SLAMF6: variants seen among roughly 807,000 people sequenced by gnomAD.
SLAMF6 encodes SLAM family member 6, also known as NK-T-B-antigen.
In SLAMF6, 21 loss-of-function variants were observed where a neutral mutation model predicts 38.3. The observed-to-expected ratio is 0.55, with a 90% CI of 0.39 to 0.79. The LOEUF (loss-of-function observed/expected upper bound fraction) is 0.79, where lower values mean the gene tolerates loss of function less well. Among genes scored for constraint, SLAMF6 ranks in the 30% least tolerant of loss-of-function variants. The probability of loss-of-function intolerance (pLI) is 0.00; values close to 1 mark genes in which losing one functional copy is unlikely to be tolerated. For missense variants in SLAMF6, 341 were observed against 385.3 expected (o/e 0.89, Z 0.96); for synonymous variants, 152 against 146.3 (o/e 1.04, Z -0.28).
chr1:160,490,569 A>G lies in SLAMF6; in HGVS notation c.757+6T>C. 7 of 1,611,204 alleles carry G rather than the reference A, an allele frequency of 4.3e-6. No individual in the cohort carries two copies. The highest frequency in any genetic ancestry group is 5.9e-6 in the Non-Finnish European group (7 of 1,179,270). On this transcript the variant is annotated splice_donor_region_variant and intron_variant, in intron 4 of 7. Transcript: ENST00000368057. The stretch of plus-strand genomic sequence containing the variant: ...GAAGAGACAAGTAGGAAGAAAGGAA[A>G]CCTGCCTCTTCTTTTCCTCAAAACA...
At chr1:160,504,238 C>T (rs928035552) in intron 1 of SLAMF6, among the ~76,000 whole-genome samples, 3 of 151,870 alleles carry the variant, frequency 2.0e-5, no homozygotes, top group East Asian at 1.9e-4. Context: ...TATTGTATAC[C>T]GAACATTTGC....
chr1:160,499,842 A>G (rs1339670786), intron 1 of SLAMF6, among the ~76,000 whole-genome samples: 2 of 152,232 alleles, frequency 1.3e-5, no homozygotes, highest in African/African-American at 4.8e-5. Context: ...TTCCAGGCAC[A>G]TGAACATTGC....
At chr1:160,491,637 T>C (rs1653307183) in intron 2 of SLAMF6, among the ~76,000 whole-genome samples, 1 of 152,154 alleles carries the variant, frequency 6.6e-6, no homozygotes, top group African/African-American at 2.4e-5. Context: ...AGACTGAGGT[T>C]TCCATCAACT....
intron 7 of SLAMF6, 102 bp from the exon 8 acceptor site, chr1:160,486,856 T>C: frequency 7.5e-7 from 1 of 1,329,482 alleles, no homozygotes; most frequent in African/African-American, 1.5e-5. Context: ...GAGAGGCAGA[T>C]AATAGAGATA....
chr1:160,501,618 T>C (rs917376605), intron 1 of SLAMF6, among the ~76,000 whole-genome samples: 7 of 151,870 alleles, frequency 4.6e-5, no homozygotes, highest in Non-Finnish European at 1.0e-4. Flanking sequence ...TCACAGGAGA[T>C]GACACTGTAG....
At chr1:160,489,319 T>G in intron 5 of SLAMF6, 149 bp from the exon 6 acceptor site, 1 of 705,648 alleles carries the variant, frequency 1.4e-6, no homozygotes, top group Non-Finnish European at 2.5e-6. Flanking sequence ...CTTGACAGTC[T>G]TTGGAGCTCT....
intron 1 of SLAMF6, among the ~76,000 whole-genome samples, chr1:160,518,700 A>C (rs868474171): frequency 7.2e-5 from 11 of 151,780 alleles, no homozygotes; most frequent in Middle Eastern, 3.4e-3. Context: ...ATGTTCTTTA[A>C]GTGGGAGCTG....
chr1:160,522,828 G>A lies in SLAMF6; in HGVS notation c.49+316C>T, dbSNP rs11265421. Among the ~76,000 whole-genome samples the A allele has an allele frequency of 6.4e-3, 973 of 152,190 alleles. 12 individuals are homozygous for A. The highest frequency in any genetic ancestry group is 0.022 in the African/African-American group (912 of 41,510). ...ATGAGGGCCCATTTTCTTGGTCTTG[G>A]TACTCTTTATAACACAAGATGCTGG... On this transcript the variant is annotated intron_variant, in intron 1 of 7. Coordinates refer to ENST00000368057, the MANE Select transcript of SLAMF6 (RefSeq NM_001184714.2).
chr1:160,486,783 G>A (rs767521217), intron 7 of SLAMF6, 29 bp from the exon 8 acceptor site: 38 of 1,613,442 alleles, frequency 2.4e-5, no homozygotes, highest in Admixed American at 3.3e-5. Flanking sequence ...GATGAGGTAG[G>A]TTAATTGGAA....
chr1:160,498,828 T>A (rs1653732791), intron 1 of SLAMF6, among the ~76,000 whole-genome samples: 1 of 152,200 alleles, frequency 6.6e-6, no homozygotes, highest in Non-Finnish European at 1.5e-5. Context: ...ATGCTGAGCA[T>A]TTTTTCATGT....
intron 1 of SLAMF6, among the ~76,000 whole-genome samples, chr1:160,515,032 A>C (rs1654669979): frequency 6.6e-6 from 1 of 152,140 alleles, no homozygotes; most frequent in Admixed American, 6.5e-5. Flanking sequence ...AGATAGATAA[A>C]AGAAGAATGC....
At chr1:160,521,559 C>A (rs1654986413) in intron 1 of SLAMF6, among the ~76,000 whole-genome samples, 1 of 151,938 alleles carries the variant, frequency 6.6e-6, no homozygotes, top group Non-Finnish European at 1.5e-5. Flanking sequence ...GGAAAGAATT[C>A]TCTCTCTTTC....
At chr1:160,487,272 A>G in intron 6 of SLAMF6, 97 bp from the exon 7 acceptor site, 1 of 1,094,810 alleles carries the variant, frequency 9.1e-7, no homozygotes, top group Non-Finnish European at 1.3e-6. Context: ...AAAAGAGAAT[A>G]TGTCAAAGTT....
intron 1 of SLAMF6, 67 bp from the exon 2 acceptor site, chr1:160,496,460 T>C: frequency 6.7e-7 from 1 of 1,500,262 alleles, no homozygotes; most frequent in East Asian, 2.3e-5. Context: ...CCTGCACCCT[T>C]TCACCTAACG....
intron 6 of SLAMF6, 131 bp downstream of exon 6, chr1:160,488,957 A>G: frequency 1.3e-6 from 1 of 781,066 alleles, no homozygotes; most frequent in Non-Finnish European, 2.2e-6. Context: ...ATAACTTTGC[A>G]GCCCCTGTCG....
chr1:160,486,676 T>C lies in SLAMF6; in HGVS notation c.*31A>G, dbSNP rs1430760748. 10 of 1,601,694 alleles carry C rather than the reference T, an allele frequency of 6.2e-6. No homozygotes were observed. Among genetic ancestry groups the C allele is most frequent in the Non-Finnish European group, 7.7e-6 (9 of 1,168,962 alleles). ...TCTCATGGGATCAGAAGACGTGTCA[T>C]TCCCGAATTCCTCTGAGGCCTTTCA... On this transcript the variant is annotated 3_prime_UTR_variant, in exon 8 of 8. Coordinates refer to ENST00000368057, the MANE Select transcript of SLAMF6 (RefSeq NM_001184714.2).
At chr1:160,492,491 A>G (rs558652424) in intron 2 of SLAMF6, among the ~76,000 whole-genome samples, 4 of 152,306 alleles carry the variant, frequency 2.6e-5, no homozygotes, top group African/African-American at 7.2e-5. Context: ...CTTCTCAGGT[A>G]ATTTTGAGGA....
rs200167847 is a variant in SLAMF6 at position 160,496,203 on chromosome 1, C to T, written c.240G>A (p.Pro80=). The T allele has an allele frequency of 1.6e-5, 26 of 1,613,864 alleles. No individual in the cohort carries two copies. Among genetic ancestry groups the T allele is most frequent in the East Asian group, 1.1e-4 (5 of 44,870 alleles). ...TGAAGTTCAGTCGCTTTCCCTGTTT[C>T]GGATTAGTCACGTGGATTTCTGGAC... The part of the protein sequence containing the change: ...TKSPEIHVTN[P]KQGKRLNFTQ... The change falls in exon 2 of 8, where the codon CCG becomes CCA. Residue 80 remains proline, a synonymous_variant. Coordinates refer to ENST00000368057, the MANE Select transcript of SLAMF6 (RefSeq NM_001184714.2).
chr1:160,496,322 G>A lies in SLAMF6; in HGVS notation c.121C>T (p.Pro41Ser). ...NGILGESVTL[P>S]LEFPAGEKVN... is the part of the protein sequence containing the mutation. ...TTCTCTCCTGCAGGAAACTCCAGGG[G>A]AAGAGTTACTGACTCCCCCAGAATC... Residue 41 changes from proline to serine, a missense_variant, in exon 2 of 8, where the codon CCC (proline) becomes TCC (serine). By Grantham distance (74) the Pro-to-Ser change is moderately conservative. Coordinates refer to ENST00000368057, the MANE Select transcript of SLAMF6 (RefSeq NM_001184714.2). 1 of 1,614,022 alleles carries A rather than the reference G, an allele frequency of 6.2e-7. No individual in the cohort carries two copies. Among genetic ancestry groups the A allele is most frequent in the Non-Finnish European group, 8.5e-7 (1 of 1,179,918 alleles).
Sources: allele counts gnomAD v4.1 joint callset (sites outside exome capture counted in the v4.1 genomes callset), GRCh38; gene constraint gnomAD v4.1.1; transcripts MANE v1.5; gene names NCBI Gene and HGNC (gene_info 2026-07-23, HGNC 2026-07-21).